The following BBS9 variants were observed in gnomAD, a reference collection of about 807,000 sequenced individuals.
The protein encoded by BBS9 is protein PTHB1.
In BBS9, 89 loss-of-function variants were observed where a neutral mutation model predicts 117.7. The observed-to-expected ratio is 0.76, with a 90% CI of 0.64 to 0.90. BBS9 has a LOEUF of 0.90. Ranked by LOEUF, BBS9 falls within the 40% of genes least tolerant of loss-of-function variation. The pLI, the probability that BBS9 is intolerant of heterozygous loss-of-function variation, is 0.00. For synonymous variants in BBS9, 379 were observed against 370.9 expected (o/e 1.02, Z -0.25); for missense variants, 982 against 1,042.2 (o/e 0.94, Z 0.80).
At chr7:33,399,002 A>G (rs1828483698) in intron 19 of BBS9, among the ~76,000 whole-genome samples, 1 of 152,210 alleles carries the variant, frequency 6.6e-6, no homozygotes, top group South Asian at 2.1e-4. Context: ...ATTTAACTCT[A>G]TATATTCAAT....
At chr7:33,593,965 A>C (rs1417504083) in intron 21 of BBS9, among the ~76,000 whole-genome samples, 1 of 152,140 alleles carries the variant, frequency 6.6e-6, no homozygotes, top group Non-Finnish European at 1.5e-5. Context: ...TCTCGCCACC[A>C]AGTGAGTCTA....
chr7:33,604,327 T>C (rs1026420285), intron 21 of BBS9, among the ~76,000 whole-genome samples: 3 of 152,200 alleles, frequency 2.0e-5, no homozygotes, highest in Non-Finnish European at 4.4e-5. Context: ...AGTTCATGAC[T>C]TTGCTGTTGA....
At position 33,254,636 on chromosome 7, in the gene BBS9, A is replaced by T. The variant is rs1432089893; in HGVS notation, c.443-2600A>T. Among the ~76,000 whole-genome samples, 3 of 152,270 alleles carry T rather than the reference A, an allele frequency of 2.0e-5. No homozygotes were observed. In the East Asian group the frequency reaches 5.8e-4, roughly 29 times the overall value. ...TTACTCATATTATAACTGCAAGTGT[A>T]TATCATTTGACCAATATTTCCTTGC... On this transcript the variant is annotated intron_variant, in intron 5 of 22. Transcript: ENST00000242067.
chr7:33,505,405 T>C (rs1010535223), intron 19 of BBS9, 58 bp from the exon 20 acceptor site: 2 of 1,559,118 alleles, frequency 1.3e-6, no homozygotes, highest in East Asian at 4.5e-5. Flanking sequence ...CAGACATAAT[T>C]TGTTGAGGGC....
At chr7:33,284,899 A>G (rs760572418) in intron 9 of BBS9, among the ~76,000 whole-genome samples, 6 of 152,110 alleles carry the variant, frequency 3.9e-5, no homozygotes, top group Non-Finnish European at 5.9e-5. Context: ...TACCTCCTGT[A>G]TCTTTGCTAC....
At chr7:33,485,308 GTTTTT>G (rs371550940) in intron 19 of BBS9, among the ~76,000 whole-genome samples, 1 of 127,176 alleles carries the variant, frequency 7.9e-6, no homozygotes. Context: ...TAACATAAAA[GTTTTT>G]TTTTTTTTTT....
At chr7:33,367,936 C>A in intron 17 of BBS9, 74 bp downstream of exon 17, 1 of 1,154,530 alleles carries the variant, frequency 8.7e-7, no homozygotes, top group Non-Finnish European at 1.3e-6. Flanking sequence ...ATACTCACAT[C>A]AATAATTCCT....
At chr7:33,236,933 A>G (rs944396655) in intron 5 of BBS9, among the ~76,000 whole-genome samples, 5 of 152,154 alleles carry the variant, frequency 3.3e-5, no homozygotes, top group African/African-American at 1.2e-4. Context: ...AATGACGTAC[A>G]ATTTGTGTTT....
chr7:33,148,707 C>G (rs1370492464), intron 2 of BBS9, among the ~76,000 whole-genome samples: 2 of 149,774 alleles, frequency 1.3e-5, no homozygotes, highest in Non-Finnish European at 3.0e-5. Context: ...CTCTGCTGCC[C>G]AGGATGGAGT....
chr7:33,334,602 G>A (rs758861360), intron 9 of BBS9, among the ~76,000 whole-genome samples: 9 of 152,106 alleles, frequency 5.9e-5, no homozygotes, highest in Non-Finnish European at 7.3e-5. Context: ...TGCAAAGAAA[G>A]GTTCAAACCC....
chr7:33,269,495 A>C (rs1799391259), intron 7 of BBS9, among the ~76,000 whole-genome samples: 1 of 152,170 alleles, frequency 6.6e-6, no homozygotes, highest in South Asian at 2.1e-4. Context: ...ACCACTGCTA[A>C]GGTCCATTCC....
chr7:33,418,621 T>G (rs1459043776), intron 19 of BBS9, among the ~76,000 whole-genome samples: 2 of 152,152 alleles, frequency 1.3e-5, no homozygotes, highest in African/African-American at 2.4e-5. Flanking sequence ...CCTAGGTCGC[T>G]GGAGACAGGA....
chr7:33,389,311 G>T (rs1034141822), intron 19 of BBS9, among the ~76,000 whole-genome samples: 1 of 152,156 alleles, frequency 6.6e-6, no homozygotes, highest in Non-Finnish European at 1.5e-5. Flanking sequence ...GGACAAATCA[G>T]ATTTTTGTTT....
chr7:33,347,113 G>A (rs1817731548), intron 12 of BBS9, among the ~76,000 whole-genome samples: 1 of 152,120 alleles, frequency 6.6e-6, no homozygotes, highest in Non-Finnish European at 1.5e-5. Flanking sequence ...AAATTACTTA[G>A]CATCTCTGAG....
intron 19 of BBS9, among the ~76,000 whole-genome samples, chr7:33,458,064 C>T (rs747438850): frequency 6.6e-6 from 1 of 152,148 alleles, no homozygotes; most frequent in Non-Finnish European, 1.5e-5. Flanking sequence ...ATGGAGTCCT[C>T]AGGTGTGCTT....
At chr7:33,191,181 T>C (rs1019805396) in intron 5 of BBS9, among the ~76,000 whole-genome samples, 2 of 152,174 alleles carry the variant, frequency 1.3e-5, no homozygotes, top group African/African-American at 4.8e-5. Flanking sequence ...TACAGTCTTT[T>C]ACATGCTCAG....
chr7:33,374,017 G>A (rs1823341460), intron 17 of BBS9, among the ~76,000 whole-genome samples: 1 of 152,156 alleles, frequency 6.6e-6, no homozygotes, highest in Admixed American at 6.5e-5. Flanking sequence ...CAGCAGACAT[G>A]TTAGGTATAA....
chr7:33,271,554 C>T (rs1160081533), intron 7 of BBS9, among the ~76,000 whole-genome samples: 4 of 152,092 alleles, frequency 2.6e-5, no homozygotes, highest in African/African-American at 4.8e-5. Context: ...GCAGGAGCTG[C>T]AATCCTAATT....
At chr7:33,477,804 C>G (rs886679651) in intron 19 of BBS9, among the ~76,000 whole-genome samples, 8 of 152,126 alleles carry the variant, frequency 5.3e-5, no homozygotes, top group African/African-American at 1.9e-4. Context: ...AAGGGGTTAA[C>G]TAATTCATTA....
Sources: gnomAD v4.1 joint callset for allele counts (sites outside exome capture counted in the v4.1 genomes callset) on GRCh38, gnomAD v4.1.1 for gene constraint, MANE v1.5 for transcripts, NCBI Gene and HGNC (gene_info 2026-07-23, HGNC 2026-07-21) for gene names.